Variants in KHDRBS1 observed in about 807,000 individuals in gnomAD.
The protein encoded by KHDRBS1 is KH RNA binding domain containing, signal transduction associated 1, also known as KH domain-containing, RNA-binding, signal transduction-associated protein 1.
KHDRBS1 carries 7 observed loss-of-function variants against 48.4 expected under a neutral mutation model. That is an observed-to-expected ratio of 0.14 (90% confidence interval 0.08 to 0.27). KHDRBS1 has a LOEUF of 0.27. Among genes scored for constraint, KHDRBS1 ranks in the 10% least tolerant of loss-of-function variants. The probability of loss-of-function intolerance (pLI) is 1.00; values close to 1 mark genes in which losing one functional copy is unlikely to be tolerated. For synonymous variants in KHDRBS1, 241 were observed against 235.8 expected, an observed-to-expected ratio of 1.02 and a Z score of -0.20; for missense variants, 458 against 601.2, an observed-to-expected ratio of 0.76 and a Z score of 2.49.
intron 3 of KHDRBS1, among the ~76,000 whole-genome samples, chr1:32,032,695 T>C (rs1639103354): frequency 6.6e-6 from 1 of 151,654 alleles, no homozygotes; most frequent in African/African-American, 2.4e-5. Context: ...CTTGAGAGTT[T>C]GTTTTACTTT....
chr1:32,048,561 C>A (rs956007544), downstream of KHDRBS1, among the ~76,000 whole-genome samples: 1 of 152,100 alleles, frequency 6.6e-6, no homozygotes, highest in African/African-American at 2.4e-5. Context: ...TTTAGCTTAC[C>A]AGTTTGCAGC....
intron 10 of KHDRBS1, among the ~76,000 whole-genome samples, chr1:32,049,445 A>C (rs1447064833): frequency 1.3e-5 from 2 of 149,864 alleles, no homozygotes; most frequent in Non-Finnish European, 3.0e-5. Flanking sequence ...TTTTACTGTT[A>C]AATGCGATTT....
chr1:32,058,971 T>C (rs1639512615), intron 10 of KHDRBS1, among the ~76,000 whole-genome samples: 1 of 151,420 alleles, frequency 6.6e-6, no homozygotes, highest in South Asian at 2.1e-4. Flanking sequence ...AGCCTGGCCA[T>C]CATGGTGAAA....
chr1:32,016,221 A>G (rs997684022), intron 1 of KHDRBS1, among the ~76,000 whole-genome samples: 21 of 151,942 alleles, frequency 1.4e-4, no homozygotes, highest in Admixed American at 6.6e-4. Flanking sequence ...CACACGGAAG[A>G]AAAATATAGC....
chr1:32,056,317 T>A (rs1639479328), intron 10 of KHDRBS1, among the ~76,000 whole-genome samples: 1 of 152,116 alleles, frequency 6.6e-6, no homozygotes, highest in Admixed American at 6.6e-5. Flanking sequence ...GTCCAGGGAC[T>A]CCTTAAAAAA....
chr1:32,060,232 A>C (rs1304856602), exon 11 of KHDRBS1: 1 of 152,254 alleles, frequency 6.6e-6, no homozygotes, highest in African/African-American at 2.4e-5. Flanking sequence ...CATTTGCTGA[A>C]CACAGAGAAA....
intron 10 of KHDRBS1, among the ~76,000 whole-genome samples, chr1:32,056,005 T>C (rs1240542532): frequency 6.6e-6 from 1 of 152,184 alleles, no homozygotes; most frequent in African/African-American, 2.4e-5. Flanking sequence ...TCTGCTTTCG[T>C]ATACAGCTCT....
At chr1:32,055,195 A>G (rs537095184) in intron 10 of KHDRBS1, among the ~76,000 whole-genome samples, 12 of 152,240 alleles carry the variant, frequency 7.9e-5, no homozygotes, top group African/African-American at 2.6e-4. Context: ...CACGCCGGTA[A>G]TCCCAGCACT....
intron 3 of KHDRBS1, 73 bp downstream of exon 3, chr1:32,031,713 T>C (rs961051840): frequency 3.2e-6 from 3 of 927,926 alleles, no homozygotes; most frequent in African/African-American, 3.4e-5. Flanking sequence ...ATGGATGTCT[T>C]ATAGAGGCGG....
At position 32,014,755 on chromosome 1, in the gene KHDRBS1, G is replaced by A. The variant is rs529349722; in HGVS notation, c.382+378G>A. ...TGAAGGGAAACCCTTTTTGATCGCG[G>A]GTGGCGATGAGCGCCTCGACCGAGG... On this transcript the variant is annotated intron_variant, in intron 1 of 8. Transcript: ENST00000327300. Among the ~76,000 whole-genome samples, 12 of 152,286 alleles carry A rather than the reference G, an allele frequency of 7.9e-5. 1 individual carries two copies. In the South Asian group the frequency reaches 1.7e-3, roughly 21 times the overall value.
rs1639193570 is a variant in KHDRBS1, at chr1:32,036,826, G to C, written c.772-84G>C. The C allele has an allele frequency of 2.8e-5, 40 of 1,439,066 alleles. No homozygotes were observed. The South Asian group carries it at 5.4e-4, about 19-fold the overall frequency. 89.1% of individuals were successfully genotyped at this position (1,439,066 alleles called of 1,614,324 possible). ...TCTGGGCTCTCAAGAGCTCTTCTTA[G>C]AATTCAAGTCTCCCGTGGACCAGAT... On this transcript the variant is annotated intron_variant, in intron 4 of 8. Transcript: ENST00000327300.
chr1:32,022,616 C>A (rs1199359224), intron 1 of KHDRBS1, among the ~76,000 whole-genome samples: 1 of 152,016 alleles, frequency 6.6e-6, no homozygotes, highest in Non-Finnish European at 1.5e-5. Flanking sequence ...GTTGGCCGGG[C>A]GCGGTGGCTC....
In KHDRBS1 at chr1:32,049,912, C is replaced by T. The variant is rs1023383600; in HGVS notation, n.1301+4522C>T. Among the ~76,000 whole-genome samples, 16 of 152,272 alleles carry T rather than the reference C, an allele frequency of 1.1e-4. No homozygotes were observed. The East Asian group carries it at 1.7e-3, about 17-fold the overall frequency. On this transcript the variant is annotated intron_variant and non_coding_transcript_variant, in intron 10 of 10. Coordinates refer to the KHDRBS1 transcript ENST00000484270. ...TCCTGACCTCATGATCCACCTGCCT[C>T]AGCCTCCCAAAGTGCTGGGATTACA...
chr1:32,035,791 G>A (rs550813234), intron 4 of KHDRBS1, among the ~76,000 whole-genome samples: 2 of 152,304 alleles, frequency 1.3e-5, no homozygotes, highest in African/African-American at 4.8e-5. Flanking sequence ...CTCCTAAAGA[G>A]CTTACAGTTT....
intron 1 of KHDRBS1, 71 bp from the exon 2 acceptor site, chr1:32,030,227 T>G: frequency 7.6e-7 from 1 of 1,315,538 alleles, no homozygotes; most frequent in Non-Finnish European, 1.1e-6. Flanking sequence ...TATTCCATGT[T>G]ATTGCTTTAA....
intron 1 of KHDRBS1, 115 bp downstream of exon 1, chr1:32,014,492 G>T: frequency 9.3e-7 from 1 of 1,073,498 alleles, no homozygotes; most frequent in Non-Finnish European, 1.2e-6. Context: ...GGGAGTTCCG[G>T]TCTCATCCTC....
chr1:32,049,076 A>G (rs1189212688), intron 10 of KHDRBS1, among the ~76,000 whole-genome samples: 1 of 147,346 alleles, frequency 6.8e-6, no homozygotes, highest in African/African-American at 2.5e-5. Flanking sequence ...TTTTTTTGAG[A>G]CGGGGTGTTG....
intron 4 of KHDRBS1, among the ~76,000 whole-genome samples, chr1:32,033,563 C>T (rs960476624): frequency 8.5e-5 from 13 of 152,102 alleles, no homozygotes; most frequent in African/African-American, 1.2e-4. Context: ...CATTGTGTAC[C>T]GGTATCTTGT....
chr1:32,029,409 G>A (rs182026773), intron 1 of KHDRBS1, among the ~76,000 whole-genome samples: 136 of 152,320 alleles, frequency 8.9e-4, no homozygotes, highest in Non-Finnish European at 1.6e-3. Context: ...TGTAATCCCA[G>A]CACTTTGGGA....
Sources: gnomAD v4.1 joint callset for allele counts (sites outside exome capture counted in the v4.1 genomes callset) on GRCh38, gnomAD v4.1.1 for gene constraint, MANE v1.5 for transcripts, NCBI Gene and HGNC (gene_info 2026-07-23, HGNC 2026-07-21) for gene names.